THADA: variants seen among roughly 807,000 people sequenced by gnomAD.
The protein encoded by THADA is THADA armadillo repeat containing, also known as tRNA (32-2'-O)-methyltransferase regulator THADA.
A neutral mutation model predicts 219.8 loss-of-function variants in THADA; 213 were observed. The ratio of observed to expected loss-of-function variants is 0.97; its 90% CI spans 0.87 to 1.09. The LOEUF (loss-of-function observed/expected upper bound fraction) is 1.09, where lower values mean the gene tolerates loss of function less well. THADA is among the 50% of genes least tolerant of loss of function. THADA has a pLI of 0.00. For missense variants in THADA, 2,956 were observed against 2,311.3 expected, an observed-to-expected ratio of 1.28 and a Z score of -5.72; for synonymous variants, 1,018 against 828.9, an observed-to-expected ratio of 1.23 and a Z score of -3.92.
At chr2:43,375,627 G>A (rs1671283789) in intron 29 of THADA, among the ~76,000 whole-genome samples, 2 of 152,140 alleles carry the variant, frequency 1.3e-5, no homozygotes, top group Middle Eastern at 3.2e-3. Flanking sequence ...ATTTTACACA[G>A]AGGAAAATTT....
At chr2:43,523,406 G>A (rs1334777701) in intron 22 of THADA, among the ~76,000 whole-genome samples, 3 of 152,038 alleles carry the variant, frequency 2.0e-5, no homozygotes, top group Admixed American at 1.3e-4. Context: ...ACACAAGATT[G>A]TATATTCTTT....
chr2:43,302,788 G>C (rs934190585), intron 31 of THADA, among the ~76,000 whole-genome samples: 1 of 152,146 alleles, frequency 6.6e-6, no homozygotes, highest in African/African-American at 2.4e-5. Context: ...ATCGTGGCGT[G>C]CACCTGTAGT....
chr2:43,532,009 T>G (rs188186210), intron 21 of THADA, among the ~76,000 whole-genome samples: 1 of 151,994 alleles, frequency 6.6e-6, no homozygotes, highest in African/African-American at 2.4e-5. Context: ...TTAATCCTCT[T>G]TAAAATCAGG....
intron 29 of THADA, among the ~76,000 whole-genome samples, chr2:43,360,954 G>A (rs1030019026): frequency 6.6e-6 from 1 of 152,142 alleles, no homozygotes; most frequent in Non-Finnish European, 1.5e-5. Flanking sequence ...TCATCCCCAG[G>A]AGACATCTGA....
At chr2:43,566,556 A>T in intron 15 of THADA, 142 bp downstream of exon 15, 1 of 929,266 alleles carries the variant, frequency 1.1e-6, no homozygotes, top group Non-Finnish European at 1.7e-6. Context: ...AAATTTCATT[A>T]TGTACAAGCA....
At chr2:43,556,095 C>T in intron 17 of THADA, 2 of 873,866 alleles carry the variant, frequency 2.3e-6, no homozygotes, top group Non-Finnish European at 2.9e-6. Flanking sequence ...AGAGGTCATT[C>T]TCATTTCAAA....
intron 26 of THADA, among the ~76,000 whole-genome samples, chr2:43,448,323 C>T (rs1681844059): frequency 6.6e-6 from 1 of 152,196 alleles, no homozygotes; most frequent in South Asian, 2.1e-4. Flanking sequence ...AGCCTCATGG[C>T]GGGCAACTAT....
chr2:43,464,973 G>A (rs551451139), intron 26 of THADA, among the ~76,000 whole-genome samples: 1 of 152,188 alleles, frequency 6.6e-6, no homozygotes, highest in South Asian at 2.1e-4. Flanking sequence ...AACCCTGCCG[G>A]CAAAGACCCA....
intron 36 of THADA, among the ~76,000 whole-genome samples, chr2:43,273,951 G>A (rs1352489217): frequency 1.3e-5 from 2 of 152,070 alleles, no homozygotes; most frequent in Admixed American, 1.3e-4. Context: ...TGGCTACATG[G>A]CTGCTTGGAC....
At chr2:43,281,095 C>T (rs975467215) in intron 35 of THADA, among the ~76,000 whole-genome samples, 45 of 152,182 alleles carry the variant, frequency 3.0e-4, no homozygotes, top group Non-Finnish European at 1.5e-4. Flanking sequence ...AATGGAGAAA[C>T]TACCCTTCCC....
At chr2:43,368,506 C>A (rs1415019441) in intron 29 of THADA, among the ~76,000 whole-genome samples, 1 of 151,964 alleles carries the variant, frequency 6.6e-6, no homozygotes, top group Admixed American at 6.6e-5. Flanking sequence ...AAGTGATCCT[C>A]CCACCTCAGC....
intron 28 of THADA, among the ~76,000 whole-genome samples, chr2:43,409,449 A>G (rs1676009190): frequency 6.6e-6 from 1 of 152,080 alleles, no homozygotes; most frequent in Non-Finnish European, 1.5e-5. Context: ...TCAAATGAAA[A>G]TTGCAATTAG....
chr2:43,335,100 G>C (rs974960844), intron 30 of THADA, among the ~76,000 whole-genome samples: 1 of 152,122 alleles, frequency 6.6e-6, no homozygotes, highest in Admixed American at 6.5e-5. Context: ...TCTGTCCCCT[G>C]GGAGCTGGTC....
At chr2:43,492,885 C>A (rs951312998) in intron 25 of THADA, among the ~76,000 whole-genome samples, 2 of 152,126 alleles carry the variant, frequency 1.3e-5, no homozygotes, top group African/African-American at 4.8e-5. Context: ...TTAAACTAGC[C>A]CATATAGTAC....
At chr2:43,528,406 A>C (rs187535952) in intron 21 of THADA, among the ~76,000 whole-genome samples, 66 of 152,288 alleles carry the variant, frequency 4.3e-4, no homozygotes, top group Admixed American at 1.2e-3. Flanking sequence ...CTGGGATTAC[A>C]TGCGTGAGCC....
chr2:43,446,356 A>G (rs1681552412), intron 26 of THADA, among the ~76,000 whole-genome samples: 1 of 152,116 alleles, frequency 6.6e-6, no homozygotes, highest in African/African-American at 2.4e-5. Context: ...ACTTGCTTTG[A>G]TCAGGCAGCA....
intron 34 of THADA, among the ~76,000 whole-genome samples, chr2:43,289,445 GT>G (rs1214469716): frequency 6.6e-6 from 1 of 152,154 alleles, no homozygotes; most frequent in Non-Finnish European, 1.5e-5. Context: ...AGAAACTCAT[GT>G]TTCCCCAGGA....
chr2:43,398,657 G>A (rs1279531795), intron 28 of THADA, among the ~76,000 whole-genome samples: 3 of 152,208 alleles, frequency 2.0e-5, no homozygotes, highest in Non-Finnish European at 4.4e-5. Context: ...AAGCAAGCAT[G>A]ATTCAAGTAG....
intron 31 of THADA, among the ~76,000 whole-genome samples, chr2:43,294,457 A>T (rs1352964291): frequency 2.0e-5 from 3 of 152,216 alleles, no homozygotes; most frequent in Non-Finnish European, 4.4e-5. Flanking sequence ...AACAGAACGG[A>T]CCATGTGGGG....
Sources: gnomAD v4.1 joint callset for allele counts (sites outside exome capture counted in the v4.1 genomes callset) on GRCh38, gnomAD v4.1.1 for gene constraint, MANE v1.5 for transcripts, NCBI Gene and HGNC (gene_info 2026-07-23, HGNC 2026-07-21) for gene names.